TBCK: variants seen among roughly 807,000 people sequenced by gnomAD.
TBCK encodes TBC domain-containing protein kinase-like protein.
In TBCK, 99 loss-of-function variants were observed where a neutral mutation model predicts 113.4. The ratio of observed to expected loss-of-function variants is 0.87; its 90% CI spans 0.74 to 1.03. The LOEUF is 1.03. Ranked by LOEUF, TBCK falls within the 50% of genes least tolerant of loss-of-function variation. The pLI is 0.00. For missense variants in TBCK, 1,045 were observed against 1,061.3 expected (o/e 0.98, Z 0.21); for synonymous variants, 369 against 370.8 (o/e 1.00, Z 0.05).
intron 20 of TBCK, among the ~76,000 whole-genome samples, chr4:106,204,891 G>A (rs376258021): frequency 6.7e-6 from 1 of 148,360 alleles, no homozygotes; most frequent in East Asian, 2.0e-4. Context: ...TCAGCCTCCC[G>A]AGTAGCTGGG....
intron 20 of TBCK, among the ~76,000 whole-genome samples, chr4:106,208,048 G>C (rs1326078276): frequency 6.6e-6 from 1 of 152,128 alleles, no homozygotes; most frequent in Admixed American, 6.5e-5. Flanking sequence ...GTGGTTGGGG[G>C]TCAGGGATGC....
intron 19 of TBCK, among the ~76,000 whole-genome samples, chr4:106,216,004 A>G (rs1243676917): frequency 6.7e-6 from 1 of 149,112 alleles, no homozygotes; most frequent in African/African-American, 2.5e-5. Context: ...AACAGAAATT[A>G]TAACAAACTA....
intron 22 of TBCK, among the ~76,000 whole-genome samples, chr4:106,192,722 G>A (rs1477912008): frequency 6.6e-6 from 1 of 152,110 alleles, no homozygotes; most frequent in East Asian, 1.9e-4. Context: ...AGGGCTGGCA[G>A]TAGGTTTCTT....
At chr4:106,066,340 G>A (rs547638062) in intron 25 of TBCK, among the ~76,000 whole-genome samples, 226 of 151,780 alleles carry the variant, frequency 1.5e-3, no homozygotes, top group Non-Finnish European at 2.3e-3. Flanking sequence ...GTTAGTTTCC[G>A]AAGATTCACT....
intron 2 of TBCK, 29 bp from the exon 3 acceptor site, chr4:106,295,195 T>C (rs1766163379): frequency 1.2e-6 from 2 of 1,603,724 alleles, no homozygotes; most frequent in South Asian, 1.1e-5. Flanking sequence ...ACCCATGTTA[T>C]ATTTTATCAA....
Position 106,225,458 on chromosome 4 carries a change from T to C in TBCK, c.1774+4905A>G, listed in dbSNP as rs539068345. Among the ~76,000 whole-genome samples the C allele has an allele frequency of 5.3e-5, 8 of 152,206 alleles. No individual in the cohort carries two copies. In the South Asian group the frequency reaches 1.2e-3, roughly 24 times the overall value. ...TCAAACTAAAGAACAGTCTTTTTGGTCTTTTTTTTGTTTGTTTTTGAGACG... is the reference window on the plus strand; with the variant it reads ...TCAAACTAAAGAACAGTCTTTTTGGCCTTTTTTTTGTTTGTTTTTGAGACG... On this transcript the variant is annotated intron_variant, in intron 19 of 25. Transcript: ENST00000394708.
intron 23 of TBCK, among the ~76,000 whole-genome samples, chr4:106,125,750 G>T (rs1272546997): frequency 6.6e-6 from 1 of 152,114 alleles, no homozygotes; most frequent in Non-Finnish European, 1.5e-5. Flanking sequence ...GGTGGAGGTG[G>T]TGGTGTTGTG....
chr4:106,203,926 A>G (rs973841353), intron 20 of TBCK, among the ~76,000 whole-genome samples: 2 of 152,212 alleles, frequency 1.3e-5, no homozygotes, highest in East Asian at 1.9e-4. Flanking sequence ...TCATCAATTC[A>G]GACAACCTTG....
At chr4:106,102,664 C>G (rs1266246732) in intron 24 of TBCK, among the ~76,000 whole-genome samples, 1 of 151,888 alleles carries the variant, frequency 6.6e-6, no homozygotes, top group African/African-American at 2.4e-5. Flanking sequence ...AAAAACTTCA[C>G]CTATAATGAA....
At chr4:106,140,078 T>C (rs1747008357) in intron 23 of TBCK, among the ~76,000 whole-genome samples, 1 of 141,132 alleles carries the variant, frequency 7.1e-6, no homozygotes, top group East Asian at 2.0e-4. Flanking sequence ...TTATTGTAGA[T>C]ATATTCAATT....
chr4:106,153,811 C>T (rs1748803920), intron 23 of TBCK, among the ~76,000 whole-genome samples: 1 of 151,902 alleles, frequency 6.6e-6, no homozygotes, highest in South Asian at 2.1e-4. Context: ...TAATGACTTT[C>T]TTCGTCTCTT....
chr4:106,161,702 G>C (rs1224332851), intron 23 of TBCK, among the ~76,000 whole-genome samples: 3 of 72,498 alleles, frequency 4.1e-5, no homozygotes, highest in Non-Finnish European at 8.7e-5. Context: ...AGGTGTGTCT[G>C]TGTGTGTGTG....
At chr4:106,058,576 T>C (rs562833455) in intron 25 of TBCK, among the ~76,000 whole-genome samples, 1 of 151,546 alleles carries the variant, frequency 6.6e-6, no homozygotes, top group East Asian at 2.0e-4. Flanking sequence ...ATGCTCCAAA[T>C]GAGGAGAAAA....
chr4:106,241,717 T>C (rs1760163775), intron 12 of TBCK, among the ~76,000 whole-genome samples: 1 of 151,806 alleles, frequency 6.6e-6, no homozygotes, highest in Non-Finnish European at 1.5e-5. Flanking sequence ...TACAACTTAA[T>C]CTAAAATAAA....
At chr4:106,063,249 G>C (rs923898297) in intron 25 of TBCK, among the ~76,000 whole-genome samples, 2 of 151,928 alleles carry the variant, frequency 1.3e-5, no homozygotes, top group Non-Finnish European at 2.9e-5. Flanking sequence ...AGTGCTTATA[G>C]GTATAACAAG....
At chr4:106,295,024 G>A in intron 3 of TBCK, 70 bp downstream of exon 3, 1 of 1,346,680 alleles carries the variant, frequency 7.4e-7, no homozygotes, top group Non-Finnish European at 1.0e-6. Context: ...AACCCCTGCA[G>A]TTTAAACAAA....
intron 23 of TBCK, among the ~76,000 whole-genome samples, chr4:106,121,084 T>A (rs1390584553): frequency 6.6e-6 from 1 of 152,110 alleles, no homozygotes; most frequent in African/African-American, 2.4e-5. Context: ...GTTAGAAGAA[T>A]GTATAACTAG....
chr4:106,050,146 T>A (rs1347170905), intron 25 of TBCK, among the ~76,000 whole-genome samples: 1 of 152,050 alleles, frequency 6.6e-6, no homozygotes, highest in African/African-American at 2.4e-5. Context: ...GGAGATTTCA[T>A]AATGATAAAA....
At chr4:106,313,188 C>A (rs61256759) in intron 1 of TBCK, among the ~76,000 whole-genome samples, 23,520 of 152,126 alleles carry the variant, frequency 0.15, 1,919 homozygotes, top group South Asian at 0.25. Flanking sequence ...ACAGAAAAAA[C>A]TGATTCTGCT....
Sources: allele counts gnomAD v4.1 joint callset (sites outside exome capture counted in the v4.1 genomes callset), GRCh38; gene constraint gnomAD v4.1.1; transcripts MANE v1.5; gene names NCBI Gene and HGNC (gene_info 2026-07-23, HGNC 2026-07-21).